The following NBPF14 variants were observed in gnomAD, a reference collection of about 807,000 sequenced individuals.
NBPF14 encodes the protein NBPF member 14, also known as NBPF family member NBPF14.
In NBPF14, 104 loss-of-function variants were observed where a neutral mutation model predicts 91.2. The observed-to-expected ratio is 1.14, with a 90% CI of 0.97 to 1.34. The LOEUF is 1.34. NBPF14 is among the 40% of genes most tolerant of loss of function. NBPF14 has a pLI of 0.00. For missense variants in NBPF14, 908 were observed against 783.0 expected (o/e 1.16, Z -1.91); for synonymous variants, 294 against 303.8 (o/e 0.97, Z 0.34).
intron 14 of NBPF14, among the ~76,000 whole-genome samples, chr1:148,577,671 C>T (rs1262577228): frequency 1.4e-5 from 2 of 148,044 alleles, no homozygotes; most frequent in Admixed American, 1.3e-4. Context: ...TCAGGACACA[C>T]AGTGAACAGT....
rs1210084605 is a variant in NBPF14, at chr1:148,591,741, C to A, written c.494-237G>T. ...CAAATACTGAAAAGACCTTTTGCTT[C>A]CCATATCACTGGAGGCTTGTGCAGC... On this transcript the variant is annotated intron_variant, in intron 4 of 70. Coordinates refer to ENST00000619423, the Ensembl canonical transcript of NBPF14. Among the ~76,000 whole-genome samples, 2 of 148,048 alleles carry A rather than the reference C, an allele frequency of 1.4e-5. 1 individual carries two copies. The highest frequency in any genetic ancestry group is 3.0e-5 in the Non-Finnish European group (2 of 66,038).
chr1:148,561,725 G>A (rs1223969042), intron 34 of NBPF14, 146 bp from the exon 35 acceptor site: 15 of 404,380 alleles, frequency 3.7e-5, no homozygotes, highest in Non-Finnish European at 5.8e-5. Flanking sequence ...TTGCCTTCAT[G>A]TTGGGACAGA....
At chr1:148,559,840 A>G (rs1186719833) in exon 37 of NBPF14, 17 of 1,530,806 alleles carry the variant, frequency 1.1e-5, no homozygotes, top group Non-Finnish European at 1.5e-5. Flanking sequence ...CAATATGTAA[A>G]AGGCACTTCT....
rs1395534358 is a variant in NBPF14, at chr1:148,566,514, C to G, written c.3543-199G>C. Among the ~76,000 whole-genome samples, 225 of 123,610 alleles carry G rather than the reference C, an allele frequency of 1.8e-3. 4 individuals carry two copies. Among genetic ancestry groups the G allele is most frequent in the African/African-American group, 5.8e-3 (202 of 35,066 alleles). The allele number at this position is 123,610 out of a possible 152,430, so 81.1% of individuals were successfully genotyped here. A position where few individuals can be genotyped will look rare whatever the true frequency, so the allele number is the denominator to read the frequency against. On this transcript the variant is annotated intron_variant, in intron 28 of 70. Coordinates refer to ENST00000619423, the Ensembl canonical transcript of NBPF14. ...AGAATGAAAGAGAAAGACAGACACA[C>G]ACACACACACACACACACACACACA...
chr1:148,536,054 C>T (rs1207580353), intron 67 of NBPF14, among the ~76,000 whole-genome samples, 170 bp downstream of exon 67: 2 of 149,732 alleles, frequency 1.3e-5, no homozygotes, highest in African/African-American at 2.4e-5. Flanking sequence ...TGACCCATCC[C>T]TTGTCTGGGC....
In NBPF14 at chr1:148,535,440, T is replaced by A; in HGVS notation, c.8441+13A>T. On this transcript the variant is annotated intron_variant, in intron 68 of 70. Transcript: ENST00000619423. ...CAACACAGAATTAAGCATCCATAAT[T>A]GCTCAAAGTTACCTGGGGCATGATG... The A allele has an allele frequency of 2.1e-6, 1 of 484,874 alleles. No individual in the cohort carries two copies. The highest frequency in any genetic ancestry group is 3.5e-6 in the Non-Finnish European group (1 of 285,636). 30.0% of individuals were successfully genotyped at this position (484,874 alleles called of 1,614,324 possible).
intron 20 of NBPF14, among the ~76,000 whole-genome samples, chr1:148,572,885 G>T (rs1364443972): frequency 4.7e-5 from 1 of 21,086 alleles, no homozygotes; most frequent in East Asian, 7.7e-4. Context: ...ATACTGGTAA[G>T]GGAGTCAAAG....
At chr1:148,595,297 C>T (rs1330822731) in intron 2 of NBPF14, among the ~76,000 whole-genome samples, 10,949 of 146,972 alleles carry the variant, frequency 0.074, 1,783 homozygotes, top group African/African-American at 0.25. Context: ...TCTGTGCCTG[C>T]GTTAGAAATC....
intron 69 of NBPF14, 137 bp downstream of exon 69, chr1:148,534,547 T>G (rs1228862355): frequency 1.4e-6 from 1 of 714,416 alleles, no homozygotes; most frequent in East Asian, 2.6e-5. Flanking sequence ...ACAGTTTCAT[T>G]ACAACCTATA....
chr1:148,577,997 C>G, exon 14 of NBPF14: 2 of 654,046 alleles, frequency 3.1e-6, no homozygotes, highest in Non-Finnish European at 5.4e-6. Flanking sequence ...GACCTGTTGC[C>G]TCTTGGTCCT....
intron 8 of NBPF14, 70 bp downstream of exon 8, chr1:148,587,231 C>T: frequency 3.0e-6 from 4 of 1,343,194 alleles, no homozygotes; most frequent in East Asian, 2.3e-5. Context: ...CTTACGTCTC[C>T]CCACTGAGCT....
At chr1:148,534,691 G>T in exon 69 of NBPF14, 1 of 818,906 alleles carries the variant, frequency 1.2e-6, no homozygotes, top group African/African-American at 1.7e-5. Flanking sequence ...CACTGTCCAC[G>T]TCAAGAGCCA....
chr1:148,579,062 T>A lies in NBPF14; in HGVS notation c.1801+12A>T. 1.8e-6 allele frequency: 1 copy of A among 545,138 alleles called. No homozygotes were observed. Among genetic ancestry groups the A allele is most frequent in the Non-Finnish European group, 3.2e-6 (1 of 311,198 alleles). 33.8% of individuals were successfully genotyped at this position (545,138 alleles called of 1,614,324 possible). A position where few individuals can be genotyped will look rare whatever the true frequency, so the allele number is the denominator to read the frequency against. On this transcript the variant is annotated intron_variant, in intron 13 of 70. Coordinates refer to ENST00000619423, the Ensembl canonical transcript of NBPF14. ...AACTGGAGCTTTATCACCTTCACAA[T>A]GGAGTACTCACTGCCTATGTCAACA...
intron 13 of NBPF14, among the ~76,000 whole-genome samples, 180 bp downstream of exon 13, chr1:148,578,894 A>G (rs1660493397): frequency 1.4e-5 from 2 of 148,090 alleles, no homozygotes; most frequent in African/African-American, 5.0e-5. Flanking sequence ...AAGCTCACTG[A>G]CCCACCCCAT....
exon 4 of NBPF14, chr1:148,592,559 G>C: frequency 7.2e-7 from 1 of 1,390,994 alleles, no homozygotes; most frequent in Non-Finnish European, 1.0e-6. Flanking sequence ...TACCTGGGCT[G>C]AGCTTTTGGA....
chr1:148,559,510 C>G lies in NBPF14; in HGVS notation c.4729+283G>C, dbSNP rs1323790293. Among the ~76,000 whole-genome samples, 12 of 124,350 alleles carry G rather than the reference C, an allele frequency of 9.7e-5. 1 individual carries two copies. The highest frequency in any genetic ancestry group is 7.3e-4 in the East Asian group (3 of 4,108). 81.6% of individuals were successfully genotyped at this position (124,350 alleles called of 152,430 possible). ...AAGATCTACAAAATTGAGACAAAATCAGAGTTGTGTGAATTTGTCACATCT... is the reference window on the plus strand; with the variant it reads ...AAGATCTACAAAATTGAGACAAAATGAGAGTTGTGTGAATTTGTCACATCT... On this transcript the variant is annotated intron_variant, in intron 37 of 70. Transcript: ENST00000619423.
At chr1:148,534,559 G>A (rs1163116200) in intron 69 of NBPF14, 125 bp downstream of exon 69, 14 of 736,518 alleles carry the variant, frequency 1.9e-5, no homozygotes, top group South Asian at 4.3e-5. Flanking sequence ...CAACCTATAT[G>A]CGCCCATAGG....
Position 148,566,306 on chromosome 1 carries a change from C to G in NBPF14, c.3552G>C (p.Arg1184Ser). The G allele has an allele frequency of 1.5e-5, 11 of 717,354 alleles. 3 individuals carry two copies. The highest frequency in any genetic ancestry group is 2.7e-5 in the Non-Finnish European group (11 of 402,264). 44.4% of individuals were successfully genotyped at this position (717,354 alleles called of 1,614,324 possible). A position where few individuals can be genotyped will look rare whatever the true frequency, so the allele number is the denominator to read the frequency against. ...CAGGCTCTACTACCTCCAGCAGCTC[C>G]CTGCTGAGCCTGGAAAAGGAGGAAA... Residue 1184 changes from arginine to serine, a missense_variant, in exon 29 of 71, where the codon AGG (arginine) becomes AGC (serine). Coordinates refer to ENST00000619423, the Ensembl canonical transcript of NBPF14.
rs61801873 is a variant in NBPF14, at chr1:148,587,283, C to A, written c.1091+18G>T. On this transcript the variant is annotated intron_variant, in intron 8 of 70. Coordinates refer to ENST00000619423, the Ensembl canonical transcript of NBPF14. ...TTACACACCTGCCCCCCTGCCTGCC[C>A]CCATGGGGTCCCCTCACCTGAGCTC... 37 of 1,568,860 alleles carry A rather than the reference C, an allele frequency of 2.4e-5. 5 individuals are homozygous for A. Among genetic ancestry groups the A allele is most frequent in the Non-Finnish European group, 2.5e-5 (29 of 1,147,252 alleles).
Sources: gnomAD v4.1 joint callset for allele counts (sites outside exome capture counted in the v4.1 genomes callset) on GRCh38, gnomAD v4.1.1 for gene constraint, MANE v1.5 for transcripts, NCBI Gene and HGNC (gene_info 2026-07-23, HGNC 2026-07-21) for gene names.